The following ADTRP variants were observed in gnomAD, a reference collection of about 807,000 sequenced individuals.
ADTRP encodes androgen-dependent TFPI-regulating protein.
ADTRP carries 20 observed loss-of-function variants against 27.0 expected under a neutral mutation model. The observed-to-expected ratio is 0.74, with a 90% CI of 0.52 to 1.08. The LOEUF (loss-of-function observed/expected upper bound fraction) is 1.08, where lower values mean the gene tolerates loss of function less well. Ranked by LOEUF, ADTRP falls within the 50% of genes least tolerant of loss-of-function variation. ADTRP has a pLI of 0.00. For synonymous variants in ADTRP, 101 were observed against 105.2 expected (o/e 0.96, Z 0.25); for missense variants, 251 against 275.0 (o/e 0.91, Z 0.62).
At position 11,778,698 on chromosome 6, in the gene ADTRP, T is replaced by C; in HGVS notation, c.62A>G (p.Asn21Ser). The change falls in exon 1 of 6, where the codon AAT (asparagine) becomes AGT (serine). Residue 21 changes from asparagine to serine, a missense_variant. Physicochemically the swap from Asn to Ser is conservative, Grantham distance 46. Coordinates refer to ENST00000414691, the MANE Select transcript of ADTRP (RefSeq NM_032744.4). ...FLVLSWYTFL[N>S]YYISQEGKDE... ...TTTTCCTTCCTGTGAGATGTAATAA[T>C]TGAGGAAAGTATACCAGCTCAGAAC... 3 of 1,614,198 alleles carry C rather than the reference T, an allele frequency of 1.9e-6. No homozygotes were observed. Among genetic ancestry groups the C allele is most frequent in the Non-Finnish European group, 2.5e-6 (3 of 1,180,030 alleles).
At chr6:11,739,659 T>C (rs1361057963) in intron 3 of ADTRP, among the ~76,000 whole-genome samples, 1 of 152,224 alleles carries the variant, frequency 6.6e-6, no homozygotes, top group Non-Finnish European at 1.5e-5. Context: ...AAAATAGTGA[T>C]AATGATTTGA....
chr6:11,755,528 A>C (rs1270284421), intron 3 of ADTRP, among the ~76,000 whole-genome samples: 3 of 152,202 alleles, frequency 2.0e-5, no homozygotes, highest in Non-Finnish European at 4.4e-5. Context: ...TCACTATTAG[A>C]CTTTCCTCTG....
intron 2 of ADTRP, among the ~76,000 whole-genome samples, chr6:11,766,776 A>C (rs1763586223): frequency 6.6e-6 from 1 of 152,138 alleles, no homozygotes; most frequent in African/African-American, 2.4e-5. Flanking sequence ...TTCCTTGTCC[A>C]CCCTCTAAAT....
intron 1 of ADTRP, among the ~76,000 whole-genome samples, chr6:11,768,843 C>T (rs1016097574): frequency 6.6e-6 from 1 of 151,960 alleles, no homozygotes; most frequent in African/African-American, 2.4e-5. Flanking sequence ...GGAATCAGGT[C>T]AAGAGGACCA....
At chr6:11,755,168 T>C in intron 3 of ADTRP, 5 of 690,226 alleles carry the variant, frequency 7.2e-6, no homozygotes, top group Non-Finnish European at 8.9e-6. Flanking sequence ...TGAATAATTT[T>C]AATTACTAAA....
chr6:11,752,394 G>A (rs1172319474), intron 3 of ADTRP, among the ~76,000 whole-genome samples: 1 of 152,078 alleles, frequency 6.6e-6, no homozygotes, highest in Non-Finnish European at 1.5e-5. Flanking sequence ...TGATTCAGAA[G>A]CAAGCTGTTG....
At chr6:11,742,138 TA>T (rs777505743) in intron 3 of ADTRP, among the ~76,000 whole-genome samples, 7 of 152,144 alleles carry the variant, frequency 4.6e-5, no homozygotes, top group African/African-American at 7.2e-5. Context: ...AAAAAAGTTT[TA>T]ATGTTGCTAC....
intron 5 of ADTRP, among the ~76,000 whole-genome samples, chr6:11,716,970 C>T (rs1358417784): frequency 2.2e-4 from 34 of 151,164 alleles, no homozygotes; most frequent in Non-Finnish European, 1.8e-4. Flanking sequence ...AAGTGATCCA[C>T]CCGCCTCGGC....
chr6:11,753,499 C>CT (rs1399861624), intron 3 of ADTRP, among the ~76,000 whole-genome samples: 8 of 152,166 alleles, frequency 5.3e-5, no homozygotes, highest in Middle Eastern at 3.4e-3. Flanking sequence ...TCTGAAGTGC[C>CT]TTTTTTTGCC....
intron 4 of ADTRP, among the ~76,000 whole-genome samples, 185 bp downstream of exon 4, chr6:11,735,383 C>T (rs2113901646): frequency 6.6e-6 from 1 of 152,300 alleles, no homozygotes; most frequent in South Asian, 2.1e-4. Context: ...TGTTTCTGTG[C>T]TTGGGAGGTT....
At chr6:11,751,932 T>A (rs1225525842) in intron 3 of ADTRP, among the ~76,000 whole-genome samples, 1 of 152,240 alleles carries the variant, frequency 6.6e-6, no homozygotes, top group East Asian at 1.9e-4. Flanking sequence ...GGTTTCTTTT[T>A]AGGAAATCCA....
chr6:11,745,405 A>G (rs1430299222), intron 3 of ADTRP, among the ~76,000 whole-genome samples: 1 of 152,234 alleles, frequency 6.6e-6, no homozygotes, highest in East Asian at 1.9e-4. Flanking sequence ...CTCAAAAAAT[A>G]TTAATAAATT....
chr6:11,731,892 G>C (rs1221133926), intron 4 of ADTRP, among the ~76,000 whole-genome samples: 3 of 152,132 alleles, frequency 2.0e-5, no homozygotes, highest in Non-Finnish European at 4.4e-5. Context: ...TTCTGGGCAG[G>C]ACCAACCATG....
At chr6:11,728,827 A>AG (rs1250707463) in intron 4 of ADTRP, among the ~76,000 whole-genome samples, 1 of 152,170 alleles carries the variant, frequency 6.6e-6, no homozygotes, top group Non-Finnish European at 1.5e-5. Flanking sequence ...CGCCTGACTC[A>AG]CCAAGACCAC....
chr6:11,764,677 C>G (rs544553947), intron 3 of ADTRP, among the ~76,000 whole-genome samples: 35 of 152,134 alleles, frequency 2.3e-4, no homozygotes, highest in African/African-American at 7.7e-4. Context: ...CAGCAAAAGG[C>G]AACGAAGGGT....
At chr6:11,716,015 G>A (rs545116897) in intron 5 of ADTRP, among the ~76,000 whole-genome samples, 2 of 151,580 alleles carry the variant, frequency 1.3e-5, no homozygotes, top group East Asian at 1.9e-4. Flanking sequence ...CCCTAGTTAG[G>A]GCTTCTCTAC....
intron 3 of ADTRP, among the ~76,000 whole-genome samples, chr6:11,737,155 A>G (rs1762579222): frequency 6.6e-6 from 1 of 152,100 alleles, no homozygotes; most frequent in Non-Finnish European, 1.5e-5. Context: ...ATTTATTGAT[A>G]ACATTTATGA....
intron 3 of ADTRP, among the ~76,000 whole-genome samples, chr6:11,751,098 G>A (rs1002475889): frequency 1.1e-4 from 16 of 152,136 alleles, no homozygotes; most frequent in Middle Eastern, 3.2e-3. Context: ...CAATCCACCC[G>A]GCTCAGCCTC....
chr6:11,717,341 T>C lies in ADTRP; in HGVS notation c.659-2829A>G, dbSNP rs767378259. 5.1e-5 allele frequency: 66 copies of C among 1,304,194 alleles called. No individual in the cohort carries two copies. In the African/African-American group the frequency reaches 9.0e-4, roughly 18 times the overall value. The allele number at this position is 1,304,194 out of a possible 1,614,324, so 80.8% of individuals were successfully genotyped here. On this transcript the variant is annotated intron_variant, in intron 5 of 5. Coordinates refer to ENST00000414691, the MANE Select transcript of ADTRP (RefSeq NM_032744.4). ...TCTTGACCAGTTGGTGCTTGGCTGGTGACTTCCAATCGGGCCACTGGAAGC... is the reference window on the plus strand; with the variant it reads ...TCTTGACCAGTTGGTGCTTGGCTGGCGACTTCCAATCGGGCCACTGGAAGC...
Sources: gnomAD v4.1 joint callset for allele counts (sites outside exome capture counted in the v4.1 genomes callset) on GRCh38, gnomAD v4.1.1 for gene constraint, MANE v1.5 for transcripts, NCBI Gene and HGNC (gene_info 2026-07-23, HGNC 2026-07-21) for gene names.